Variants in PRKAR1A observed in about 807,000 individuals in gnomAD.
PRKAR1A encodes the protein cAMP-dependent protein kinase type I-alpha regulatory subunit.
Under a neutral mutation model 52.0 loss-of-function variants are expected in PRKAR1A, and 3 were observed. The ratio of observed to expected loss-of-function variants is 0.06; its 90% confidence interval spans 0.03 to 0.15. The LOEUF (loss-of-function observed/expected upper bound fraction) is 0.15. PRKAR1A is among the 10% of genes least tolerant of loss of function. The probability of loss-of-function intolerance (pLI) is 1.00; values close to 1 mark genes in which losing one functional copy is unlikely to be tolerated. For missense variants in PRKAR1A, 240 were observed against 477.4 expected (o/e 0.50, Z 4.63); for synonymous variants, 188 against 168.4 (o/e 1.12, Z -0.90).
the PRKAR1A span, among the ~76,000 whole-genome samples, chr17:68,465,266 T>A: frequency 6.6e-6 from 1 of 151,964 alleles, no homozygotes; most frequent in Non-Finnish European, 1.5e-5. Context: ...ACTCCTTGTC[T>A]ATCTGGTCCC....
the PRKAR1A span, chr17:68,426,240 G>GGC: frequency 1.8e-6 from 2 of 1,131,482 alleles, no homozygotes; most frequent in Admixed American, 2.0e-5. Context: ...TGACCTGGCG[G>GGC]GTGGGGAGCG....
the PRKAR1A span, among the ~76,000 whole-genome samples, chr17:68,490,225 T>C: frequency 6.6e-6 from 1 of 152,232 alleles, no homozygotes; most frequent in African/African-American, 2.4e-5. Flanking sequence ...CTCTGGGCAG[T>C]CCCATTTCAC....
At chr17:68,457,565 TCCCCACCCCGCCCCTA>T in the PRKAR1A span, 222 of 94,846 alleles carry the variant, frequency 2.3e-3, 1 homozygote, top group African/African-American at 7.7e-3. Context: ...CCCCGCCCCG[TCCCCACCCCGCCCCTA>T]CCCCGCCCCG....
intron 11 of PRKAR1A, chr17:68,542,158 GT>G (rs1568723178): frequency 3.1e-6 from 5 of 1,613,914 alleles, no homozygotes; most frequent in Non-Finnish European, 4.2e-6. Context: ...AGAAGCACAC[GT>G]TGCTCGCTGG....
intron 2 of PRKAR1A, among the ~76,000 whole-genome samples, chr17:68,519,085 A>G (rs1211032374): frequency 6.6e-6 from 1 of 152,068 alleles, no homozygotes; most frequent in Non-Finnish European, 1.5e-5. Flanking sequence ...GGAAGTTCCA[A>G]ACTTTCCCAC....
the PRKAR1A span, among the ~76,000 whole-genome samples, chr17:68,474,421 T>A: frequency 6.6e-6 from 1 of 152,180 alleles, no homozygotes; most frequent in African/African-American, 2.4e-5. Flanking sequence ...GTTTGAGGCT[T>A]GAGTGACTTG....
chr17:68,503,553 T>C, the PRKAR1A span, among the ~76,000 whole-genome samples: 1 of 152,234 alleles, frequency 6.6e-6, no homozygotes, highest in African/African-American at 2.4e-5. Flanking sequence ...GGAGGAATCT[T>C]AATTGCATGT....
the PRKAR1A span, chr17:68,434,535 G>T: frequency 1.2e-6 from 2 of 1,613,172 alleles, no homozygotes; most frequent in Non-Finnish European, 1.7e-6. Flanking sequence ...CTTTAAAATG[G>T]GTTTGACATT....
chr17:68,541,899 C>A lies in PRKAR1A; in HGVS notation c.974-9185C>A, dbSNP rs950223026. On this transcript the variant is annotated intron_variant, in intron 11 of 11. Coordinates refer to the PRKAR1A transcript ENST00000585981. ...GAGTATTGAGGCAGCTTTTCAGATT[C>A]AAAAGCCAAGCTAGCAACAAGTCCC... 6.0e-6 allele frequency: 9 copies of A among 1,491,962 alleles called. No individual in the cohort carries two copies. The South Asian group carries it at 9.2e-5, about 15-fold the overall frequency. 92.4% of individuals were successfully genotyped at this position (1,491,962 alleles called of 1,614,324 possible).
chr17:68,498,761 G>A, the PRKAR1A span, among the ~76,000 whole-genome samples: 5 of 152,234 alleles, frequency 3.3e-5, no homozygotes, highest in South Asian at 8.3e-4. Context: ...CATCTTCTTC[G>A]AGTGTTAACT....
At chr17:68,477,904 G>C in the PRKAR1A span, among the ~76,000 whole-genome samples, 1 of 152,032 alleles carries the variant, frequency 6.6e-6, no homozygotes, top group African/African-American at 2.4e-5. Context: ...TGTATTTTTA[G>C]GAGAGACGGG....
At chr17:68,529,499 G>A (rs1428937738) in intron 9 of PRKAR1A, among the ~76,000 whole-genome samples, 2 of 152,218 alleles carry the variant, frequency 1.3e-5, no homozygotes, top group Non-Finnish European at 2.9e-5. Context: ...TCAGGGGTCA[G>A]GAGACTGTAA....
rs2143383152 is a variant in PRKAR1A, at chr17:68,529,941, C to T, written c.913C>T (p.Arg305Cys). 3 of 1,614,022 alleles carry T rather than the reference C, an allele frequency of 1.9e-6. No individual in the cohort carries two copies. Among genetic ancestry groups the T allele is most frequent in the Non-Finnish European group, 1.7e-6 (2 of 1,179,948 alleles). ...ILEGSAAVLQ[R>C]RSENEEFVEV... ...ATAGGGGTCAGCTGCTGTGCTACAA[C>T]GTCGGTCAGAAAATGAAGAGTTTGT... Residue 305 changes from arginine to cysteine, a missense_variant, in exon 10 of 11, where the codon CGT becomes TGT. Around this residue, in one of 4 missense-constraint regions of PRKAR1A, gnomAD observed 107 missense variants for 290.9 expected, o/e 0.37. Coordinates refer to ENST00000589228, the MANE Select transcript of PRKAR1A (RefSeq NM_002734.5).
chr17:68,546,168 C>CAAAAA (rs750780505), intron 11 of PRKAR1A, among the ~76,000 whole-genome samples: 1 of 98,918 alleles, frequency 1.0e-5, no homozygotes, highest in Non-Finnish European at 1.9e-5. Context: ...GACTCCATCT[C>CAAAAA]AAAAAAAAAA....
chr17:68,451,653 ATTC>A, the PRKAR1A span, among the ~76,000 whole-genome samples: 6 of 152,324 alleles, frequency 3.9e-5, no homozygotes, highest in East Asian at 5.8e-4. Flanking sequence ...CTGCTTCAGA[ATTC>A]TTCTTGTCCT....
chr17:68,497,145 C>G, the PRKAR1A span, among the ~76,000 whole-genome samples: 1 of 152,154 alleles, frequency 6.6e-6, no homozygotes, highest in East Asian at 1.9e-4. Context: ...AGTGGCTAAA[C>G]AAGCTCGAAT....
the PRKAR1A span, among the ~76,000 whole-genome samples, chr17:68,478,764 G>A: frequency 2.7e-5 from 4 of 147,078 alleles, no homozygotes; most frequent in Non-Finnish European, 4.5e-5. Context: ...CTCTCGCTCT[G>A]TAGCCCAGGC....
chr17:68,535,660 TA>T (rs754252287), downstream of PRKAR1A: 965 of 447,510 alleles, frequency 2.2e-3, 8 homozygotes, highest in African/African-American at 0.018. Flanking sequence ...AGAGTTGATT[TA>T]AAAAAAAATT....
chr17:68,472,823 G>C, the PRKAR1A span, among the ~76,000 whole-genome samples: 1 of 151,978 alleles, frequency 6.6e-6, no homozygotes, highest in African/African-American at 2.4e-5. Context: ...GCATGCCACT[G>C]TAATTCCAGT....
Sources: gnomAD v4.1 joint callset for allele counts (sites outside exome capture counted in the v4.1 genomes callset) on GRCh38, gnomAD v4.1.1 for gene constraint, gnomAD v4.1.1 regional missense constraint, MANE v1.5 for transcripts, NCBI Gene and HGNC (gene_info 2026-07-23, HGNC 2026-07-21) for gene names.